Variants in OPCML observed in about 807,000 individuals in gnomAD.
OPCML encodes opioid binding protein/cell adhesion molecule like.
OPCML carries 13 observed loss-of-function variants against 37.8 expected under a neutral mutation model. That is an observed-to-expected ratio of 0.34 (90% CI 0.22 to 0.55). The LOEUF (loss-of-function observed/expected upper bound fraction) is 0.55, where lower values mean the gene tolerates loss of function less well. OPCML is among the 20% of genes least tolerant of loss of function. The pLI is 0.91. For missense variants in OPCML, 341 were observed against 435.6 expected (o/e 0.78, Z 1.93); for synonymous variants, 176 against 168.8 (o/e 1.04, Z -0.33).
intron 2 of OPCML, among the ~76,000 whole-genome samples, chr11:132,922,120 C>T (rs889203872): frequency 3.9e-5 from 6 of 152,030 alleles, no homozygotes; most frequent in Non-Finnish European, 1.5e-5. Context: ...CCTCGTGATC[C>T]ACCCGCCTCG....
At chr11:132,657,504 T>TTGAAGAA (rs1250975209) in intron 2 of OPCML, 185 bp from the exon 3 acceptor site, 7 of 758,414 alleles carry the variant, frequency 9.2e-6, no homozygotes. Context: ...CAGAATCATC[T>TTGAAGAA]TGAAGAACTG....
chr11:133,140,772 A>C (rs879432949), intron 1 of OPCML, among the ~76,000 whole-genome samples: 2,814 of 144,208 alleles, frequency 0.02, 123 homozygotes, highest in African/African-American at 0.042. Context: ...ACGAAGAAGA[A>C]GAAGAAGAAG....
intron 1 of OPCML, among the ~76,000 whole-genome samples, chr11:133,010,109 C>T (rs1947188388): frequency 6.6e-6 from 1 of 152,196 alleles, no homozygotes; most frequent in Non-Finnish European, 1.5e-5. Context: ...ACTGTCCTGT[C>T]CACTCTTCAA....
At chr11:132,455,800 T>TTC (rs1555126042) in intron 4 of OPCML, among the ~76,000 whole-genome samples, 2 of 152,118 alleles carry the variant, frequency 1.3e-5, no homozygotes, top group African/African-American at 4.8e-5. Flanking sequence ...CATTCATTCA[T>TTC]ATGTAAGGCA....
intron 1 of OPCML, among the ~76,000 whole-genome samples, chr11:133,472,474 G>T (rs917171658): frequency 4.6e-5 from 7 of 151,836 alleles, no homozygotes; most frequent in Non-Finnish European, 7.4e-5. Context: ...ATCATGAACG[G>T]AATAGCTCTT....
chr11:132,705,632 C>T (rs1446306365), intron 2 of OPCML, among the ~76,000 whole-genome samples: 1 of 151,938 alleles, frequency 6.6e-6, no homozygotes, highest in Non-Finnish European at 1.5e-5. Flanking sequence ...TACGGCAATT[C>T]CCCCCGCCCT....
At chr11:133,083,071 G>A (rs1948761635) in intron 1 of OPCML, among the ~76,000 whole-genome samples, 1 of 151,824 alleles carries the variant, frequency 6.6e-6, no homozygotes, top group African/African-American at 2.4e-5. Flanking sequence ...GCACCCGCCC[G>A]GAAACACCGC....
At chr11:132,878,055 G>A (rs971891295) in intron 2 of OPCML, among the ~76,000 whole-genome samples, 2 of 152,146 alleles carry the variant, frequency 1.3e-5, no homozygotes, top group African/African-American at 4.8e-5. Flanking sequence ...GGTGGCACAT[G>A]CCTGTAGTTC....
intron 1 of OPCML, among the ~76,000 whole-genome samples, chr11:133,379,172 C>A (rs1184376634): frequency 1.3e-5 from 2 of 152,176 alleles, no homozygotes; most frequent in African/African-American, 4.8e-5. Context: ...TTCAAACTAG[C>A]CATTCACAAC....
intron 4 of OPCML, among the ~76,000 whole-genome samples, chr11:132,486,580 A>G (rs2096200505): frequency 6.6e-6 from 1 of 152,056 alleles, no homozygotes; most frequent in Non-Finnish European, 1.5e-5. Context: ...AGTAAGGAAC[A>G]TATTTACTTT....
intron 1 of OPCML, among the ~76,000 whole-genome samples, chr11:133,153,058 G>A (rs1345294976): frequency 1.3e-5 from 2 of 152,156 alleles, no homozygotes; most frequent in African/African-American, 4.8e-5. Flanking sequence ...ACCCTGGAAG[G>A]GGCACCGCGA....
chr11:133,289,986 A>G (rs1439583177), intron 1 of OPCML, among the ~76,000 whole-genome samples: 1 of 152,178 alleles, frequency 6.6e-6, no homozygotes, highest in Admixed American at 6.5e-5. Context: ...AGAAAACTTG[A>G]CCATGGGCAA....
intron 1 of OPCML, among the ~76,000 whole-genome samples, chr11:133,367,216 A>T (rs1361064563): frequency 6.6e-6 from 1 of 152,110 alleles, no homozygotes; most frequent in South Asian, 2.1e-4. Context: ...TGACCTCATG[A>T]TCCACCTGCC....
chr11:133,353,442 G>A (rs1316276751), intron 1 of OPCML, among the ~76,000 whole-genome samples: 5 of 152,120 alleles, frequency 3.3e-5, no homozygotes, highest in Admixed American at 3.3e-4. Context: ...TTACAGGCAT[G>A]AGCCACCGTG....
At chr11:132,705,813 TTTC>T (rs1353583022) in intron 2 of OPCML, among the ~76,000 whole-genome samples, 2 of 152,050 alleles carry the variant, frequency 1.3e-5, no homozygotes, top group African/African-American at 4.8e-5. Flanking sequence ...GTCTCGGGTA[TTTC>T]TTTTCTTTTT....
At chr11:132,929,885 G>C (rs1945140094) in intron 2 of OPCML, among the ~76,000 whole-genome samples, 1 of 151,936 alleles carries the variant, frequency 6.6e-6, no homozygotes, top group Non-Finnish European at 1.5e-5. Context: ...CAATAAACTA[G>C]GAATAGAAAG....
intron 1 of OPCML, among the ~76,000 whole-genome samples, chr11:133,388,929 A>G (rs1945112446): frequency 6.6e-6 from 1 of 152,326 alleles, no homozygotes; most frequent in Non-Finnish European, 1.5e-5. Flanking sequence ...TGGCCCTCAT[A>G]TTAAGCATAT....
At chr11:133,063,482 T>C (rs1403775424) in intron 1 of OPCML, among the ~76,000 whole-genome samples, 1 of 152,170 alleles carries the variant, frequency 6.6e-6, no homozygotes, top group East Asian at 1.9e-4. Context: ...TTTTATAGGA[T>C]GTGAATGATG....
At chr11:132,713,703 G>T (rs905683377) in intron 2 of OPCML, among the ~76,000 whole-genome samples, 1 of 152,102 alleles carries the variant, frequency 6.6e-6, no homozygotes, top group Non-Finnish European at 1.5e-5. Context: ...TTGCATTCAG[G>T]GTCAACAGCT....
Sources: allele counts gnomAD v4.1 joint callset (sites outside exome capture counted in the v4.1 genomes callset), GRCh38; gene constraint gnomAD v4.1.1; transcripts MANE v1.5; gene names NCBI Gene and HGNC (gene_info 2026-07-23, HGNC 2026-07-21).